Variants in SLF2 observed in about 807,000 individuals in gnomAD.
The protein encoded by SLF2 is SMC5-SMC6 complex localization factor protein 2.
In SLF2, 68 loss-of-function variants were observed where a neutral mutation model predicts 124.3. The ratio of observed to expected loss-of-function variants is 0.55; its 90% CI spans 0.45 to 0.67. The LOEUF is 0.67. Among genes scored for constraint, SLF2 ranks in the 30% least tolerant of loss-of-function variants. The probability of loss-of-function intolerance (pLI) is 0.00; values close to 1 mark genes in which losing one functional copy is unlikely to be tolerated. For synonymous variants in SLF2, 480 were observed against 478.8 expected (o/e 1.00, Z -0.03); for missense variants, 1,246 against 1,373.7 (o/e 0.91, Z 1.47).
chr10:100,957,647 C>T (rs1199728655), intron 18 of SLF2, among the ~76,000 whole-genome samples: 1 of 151,746 alleles, frequency 6.6e-6, no homozygotes, highest in Non-Finnish European at 1.5e-5. Flanking sequence ...GTGTGAGCCA[C>T]CACACCCAGC....
chr10:100,961,749 G>A (rs1213231860), intron 19 of SLF2, 128 bp from the exon 20 acceptor site: 1 of 703,298 alleles, frequency 1.4e-6, no homozygotes, highest in Non-Finnish European at 2.2e-6. Context: ...TTTCAGAGAA[G>A]TCAATATAAA....
chr10:100,950,341 A>G, intron 16 of SLF2, 134 bp downstream of exon 16: 2 of 1,043,818 alleles, frequency 1.9e-6, no homozygotes, highest in Non-Finnish European at 2.7e-6. Context: ...TTTAAAGCGA[A>G]TAATATTTTT....
At chr10:100,948,683 C>T (rs1589963517) in intron 15 of SLF2, among the ~76,000 whole-genome samples, 1 of 152,024 alleles carries the variant, frequency 6.6e-6, no homozygotes, top group Non-Finnish European at 1.5e-5. Flanking sequence ...GAGATCAAGA[C>T]CATCCTAGCC....
Position 100,918,384 on chromosome 10 carries a change from G to T in SLF2, c.916G>T (p.Glu306Ter). ...TAATTTTATCTCATTGTGCTCATAG[G>T]AAAATGGACATCTCTCAAGAAAAAG... ...IPGKNNLSNV[E>*]NGHLSRKRSS... The change falls in exon 4 of 20, where the codon GAA becomes TAA. Residue 306 changes from glutamate to a stop codon, truncating the protein, a stop_gained and splice_region_variant. Coordinates refer to ENST00000238961, the MANE Select transcript of SLF2 (RefSeq NM_018121.4). LOFTEE classifies it high-confidence loss of function. 6.3e-7 allele frequency: 1 copy of T among 1,589,996 alleles called. No homozygotes were observed. Among genetic ancestry groups the T allele is most frequent in the Non-Finnish European group, 8.6e-7 (1 of 1,166,382 alleles).
At chr10:100,929,668 A>G (rs916496559) in intron 7 of SLF2, among the ~76,000 whole-genome samples, 162 bp from the exon 8 acceptor site, 2 of 152,210 alleles carry the variant, frequency 1.3e-5, no homozygotes, top group Non-Finnish European at 2.9e-5. Context: ...TTGACTAACA[A>G]CTACAAAAAG....
chr10:100,942,717 C>T (rs1400442330), intron 11 of SLF2, among the ~76,000 whole-genome samples: 1 of 152,154 alleles, frequency 6.6e-6, no homozygotes, highest in African/African-American at 2.4e-5. Flanking sequence ...TGGGGTTTCA[C>T]CATGTTGGCC....
intron 6 of SLF2, among the ~76,000 whole-genome samples, chr10:100,928,079 C>CACACACACACA (rs1564774100): frequency 8.8e-6 from 1 of 113,026 alleles, no homozygotes; most frequent in African/African-American, 3.5e-5. Context: ...GAGAGAGAGA[C>CACACACACACA]AGAGAGAGAG....
rs528512219 is a variant in SLF2 at position 100,919,001 on chromosome 10, C to CTTTTT, written c.973+585_973+589dup. 1.1e-3 allele frequency among the ~76,000 whole-genome samples: 120 copies of CTTTTT among 105,682 alleles called. 16 individuals are homozygous for CTTTTT. The highest frequency in any genetic ancestry group is 3.0e-3 in the East Asian group (6 of 1,978). 69.3% of individuals were successfully genotyped at this position (105,682 alleles called of 152,430 possible). On this transcript the variant is annotated intron_variant, in intron 4 of 19. Coordinates refer to ENST00000238961, the MANE Select transcript of SLF2 (RefSeq NM_018121.4). ...CCTTGGCTACATCAGGAAACATAATCTTTTTTTTTTTTTTTTTTTTTTTTT... is the reference window on the plus strand; with the variant it reads ...CCTTGGCTACATCAGGAAACATAATCTTTTTTTTTTTTTTTTTTTTTTTTTTTTTT...
At chr10:100,917,481 A>T (rs970383144) in intron 3 of SLF2, among the ~76,000 whole-genome samples, 181 bp downstream of exon 3, 1 of 152,230 alleles carries the variant, frequency 6.6e-6, no homozygotes, top group African/African-American at 2.4e-5. Context: ...CATCGAACTC[A>T]GTAAAGCAGT....
In SLF2 at chr10:100,927,329, A is replaced by G. The variant is rs572233147; in HGVS notation, c.2042+1310A>G. Among the ~76,000 whole-genome samples the G allele has an allele frequency of 1.0e-3, 158 of 152,234 alleles. 1 individual carries two copies. The highest frequency in any genetic ancestry group is 3.7e-3 in the African/African-American group (154 of 41,534). On this transcript the variant is annotated intron_variant, in intron 6 of 19. Transcript: ENST00000238961. ...AAATTGACTGTGTTTTAGTTATCTC[A>G]TGTAAGTGGTATTATATTTGTCCTT... is the stretch of plus-strand genomic sequence containing the variant.
intron 1 of SLF2, 23 bp from the exon 2 acceptor site, chr10:100,915,976 C>A: frequency 6.4e-7 from 1 of 1,573,004 alleles, no homozygotes. Flanking sequence ...TTATATGATG[C>A]CATATTATGC....
chr10:100,932,728 C>CGCGT (rs1564776091), intron 9 of SLF2, among the ~76,000 whole-genome samples: 6 of 150,136 alleles, frequency 4.0e-5, no homozygotes, highest in Non-Finnish European at 8.9e-5. Context: ...TGTGCGCGCG[C>CGCGT]GCGCGCGCGC....
At chr10:100,954,014 T>C (rs1200691863) in intron 17 of SLF2, among the ~76,000 whole-genome samples, 1 of 151,768 alleles carries the variant, frequency 6.6e-6, no homozygotes, top group African/African-American at 2.4e-5. Flanking sequence ...ACTAGCACTT[T>C]GGTAGGCCGA....
intron 12 of SLF2, among the ~76,000 whole-genome samples, chr10:100,944,612 T>G (rs1850063691): frequency 6.6e-6 from 1 of 152,234 alleles, no homozygotes; most frequent in Non-Finnish European, 1.5e-5. Flanking sequence ...TTTGTTTTAA[T>G]ATTAGTGATG....
rs748393203 is a variant in SLF2 at position 100,947,830 on chromosome 10, A to G, written c.3103A>G (p.Asn1035Asp). The change falls in exon 15 of 20, where the codon AAT becomes GAT. Residue 1035 changes from asparagine to aspartate, a missense_variant. Asn to Asp is a conservative substitution (Grantham distance 23). This residue lies in a region of SLF2 where 535 missense variants were observed against 632.8 expected (regional missense o/e 0.85). Coordinates refer to ENST00000238961, the MANE Select transcript of SLF2 (RefSeq NM_018121.4). ...GGATGAGAAACACGAAGATGTTCCT[A>G]ATGCCAGTAATCTGCAGGTATAAAT... ...LLDEKHEDVPNASNLQVSVLH... is the reference protein window; with the variant it reads ...LLDEKHEDVPDASNLQVSVLH... 2 of 1,610,454 alleles carry G rather than the reference A, an allele frequency of 1.2e-6. No homozygotes were observed. Among genetic ancestry groups the G allele is most frequent in the Middle Eastern group, 1.7e-4 (1 of 5,836 alleles).
intron 12 of SLF2, 24 bp from the exon 13 acceptor site, chr10:100,945,306 T>C (rs1850082706): frequency 6.5e-7 from 1 of 1,531,610 alleles, no homozygotes; most frequent in African/African-American, 1.4e-5. Flanking sequence ...AAAATATTTT[T>C]GTCTGTGCAT....
chr10:100,957,517 ATTT>A (rs753366819), intron 18 of SLF2, among the ~76,000 whole-genome samples: 3 of 140,606 alleles, frequency 2.1e-5, no homozygotes, highest in African/African-American at 7.9e-5. Flanking sequence ...TGCCCGGCAA[ATTT>A]TTTTTTTTTT....
chr10:100,920,629 A>T (rs1849507487), intron 4 of SLF2, among the ~76,000 whole-genome samples: 2 of 152,250 alleles, frequency 1.3e-5, no homozygotes, highest in African/African-American at 2.4e-5. Flanking sequence ...AGCATGAAGA[A>T]TGCTTATTGT....
At chr10:100,955,032 C>G (rs541335834) in intron 17 of SLF2, among the ~76,000 whole-genome samples, 1 of 151,404 alleles carries the variant, frequency 6.6e-6, no homozygotes, top group Admixed American at 6.6e-5. Context: ...CTCTGCCTCC[C>G]GGGTACACGC....
Sources: allele counts gnomAD v4.1 joint callset (sites outside exome capture counted in the v4.1 genomes callset), GRCh38; gene constraint gnomAD v4.1.1; regional missense constraint gnomAD v4.1.1; transcripts MANE v1.5; gene names NCBI Gene and HGNC (gene_info 2026-07-23, HGNC 2026-07-21).